ZNF232: variants seen among roughly 807,000 people sequenced by gnomAD.
ZNF232 encodes zinc finger and SCAN domain-containing protein 11.
In ZNF232, 25 loss-of-function variants were observed where a neutral mutation model predicts 25.2. That is an observed-to-expected ratio of 0.99 (90% CI 0.72 to 1.39). The LOEUF is 1.39. Ranked by LOEUF, ZNF232 falls within the 40% of genes most tolerant of loss-of-function variation. The pLI is 0.00. For synonymous variants in ZNF232, 193 were observed against 182.9 expected (o/e 1.06, Z -0.45); for missense variants, 519 against 520.9 (o/e 1.00, Z 0.04).
chr17:5,117,372 C>T (rs554725201), intron 1 of ZNF232, among the ~76,000 whole-genome samples: 112 of 152,114 alleles, frequency 7.4e-4, no homozygotes, highest in Non-Finnish European at 1.3e-3. Flanking sequence ...AAAAATTAGC[C>T]GGGTGTGGAG....
chr17:5,106,360 G>T, exon 4 of ZNF232: 1 of 1,614,204 alleles, frequency 6.2e-7, no homozygotes, highest in Admixed American at 1.7e-5. Flanking sequence ...TTTCTCTGCT[G>T]CAGTTCTAAG....
At chr17:5,110,529 A>G (rs1265880953) in intron 1 of ZNF232, among the ~76,000 whole-genome samples, 1 of 152,238 alleles carries the variant, frequency 6.6e-6, no homozygotes, top group African/African-American at 2.4e-5. Flanking sequence ...CTTTCAGTGC[A>G]AGGTGGAATG....
chr17:5,121,263 C>G (rs1336657121), intron 1 of ZNF232: 2 of 365,614 alleles, frequency 5.5e-6, no homozygotes, highest in Non-Finnish European at 1.1e-5. Context: ...GTGCAGGTGC[C>G]TTTGGGGCCC....
intron 1 of ZNF232, among the ~76,000 whole-genome samples, chr17:5,122,302 A>G (rs1045331124): frequency 2.1e-4 from 32 of 152,100 alleles, no homozygotes; most frequent in South Asian, 2.1e-4. Context: ...ATGGCCCTGG[A>G]TTTCTGGTTC....
intron 1 of ZNF232, 130 bp downstream of exon 1, chr17:5,111,670 C>T (rs1017923842): frequency 5.9e-5 from 87 of 1,472,522 alleles, no homozygotes; most frequent in Non-Finnish European, 7.9e-5. Context: ...ACGGGCAACC[C>T]AAACCCCTCT....
At chr17:5,110,467 T>C (rs1049585693) in intron 1 of ZNF232, among the ~76,000 whole-genome samples, 4 of 151,978 alleles carry the variant, frequency 2.6e-5, no homozygotes, top group African/African-American at 7.3e-5. Flanking sequence ...TTGGAAGAAA[T>C]AAGTTTGAAG....
chr17:5,111,832 G>A (rs1440300797), exon 1 of ZNF232: 3 of 1,613,674 alleles, frequency 1.9e-6, no homozygotes, highest in Non-Finnish European at 2.5e-6. Context: ...TCGGGGCGCT[G>A]CCGCGAATCG....
chr17:5,110,791 T>C lies in ZNF232; in HGVS notation c.24-923A>G, dbSNP rs568743841. 7.9e-5 allele frequency among the ~76,000 whole-genome samples: 12 copies of C among 152,048 alleles called. No homozygotes were observed. The South Asian group carries it at 2.5e-3, about 32-fold the overall frequency. On this transcript the variant is annotated intron_variant, in intron 1 of 3. Coordinates refer to ENST00000575898, the Ensembl canonical transcript of ZNF232. ...CAATTTAGGGGTTATTTTGCTAAGG[T>C]TGAGGATGCACCCAGGAAAAAGACA...
At chr17:5,110,694 T>C (rs539126619) in intron 1 of ZNF232, among the ~76,000 whole-genome samples, 1 of 152,268 alleles carries the variant, frequency 6.6e-6, no homozygotes. Context: ...TGAACAAGTC[T>C]CGGGTACAGT....
chr17:5,105,788 T>G, exon 4 of ZNF232: 5 of 1,508,922 alleles, frequency 3.3e-6, no homozygotes, highest in Non-Finnish European at 4.5e-6. Flanking sequence ...ATTAGACCGA[T>G]GTAGAATTCT....
intron 1 of ZNF232, chr17:5,120,776 T>G (rs2143708026): frequency 4.5e-6 from 2 of 447,020 alleles, no homozygotes; most frequent in South Asian, 1.6e-5. Context: ...CCAAGGGCTG[T>G]TTCTTCAGCA....
Position 5,106,340 on chromosome 17 carries a change from CGCTTTGGGATTTCTCT to C in ZNF232, c.776_791del (p.Gln259ArgfsTer4). 1 of 1,614,222 alleles carries C rather than the reference CGCTTTGGGATTTCTCT, an allele frequency of 6.2e-7. No individual in the cohort carries two copies. The highest frequency in any genetic ancestry group is 1.3e-5 in the African/African-American group (1 of 75,046). On this transcript the variant is annotated frameshift_variant, in exon 4 of 4. Coordinates refer to ENST00000575898, the Ensembl canonical transcript of ZNF232. LOFTEE classifies it low-confidence loss of function (END_TRUNC). The stretch of plus-strand genomic sequence containing the variant: ...GGGCAGGGGACCACCTCAGTCTCTC[CGCTTTGGGATTTCTCT>C]GCTGCAGTTCTAAGGTACCCTCAGA...
At position 5,122,981 on chromosome 17, in the gene ZNF232, A is replaced by G. The variant is rs570071377; in HGVS notation, c.-534T>C. The G allele has an allele frequency of 1.2e-4, 19 of 152,866 alleles. No individual in the cohort carries two copies. The South Asian group carries it at 2.9e-3, about 23-fold the overall frequency. 9.5% of individuals were successfully genotyped at this position (152,866 alleles called of 1,614,324 possible). The stretch of plus-strand genomic sequence containing the variant: ...GTCGGCGAGTTGGAAACTTACTGCA[A>G]TCGTCCTCTCGTAGCCTTGGGCGTC... On this transcript the variant is annotated 5_prime_UTR_variant, in exon 1 of 5. Coordinates refer to the ZNF232 transcript ENST00000250076.
chr17:5,119,793 T>A (rs1302199267), intron 1 of ZNF232, among the ~76,000 whole-genome samples: 1 of 152,220 alleles, frequency 6.6e-6, no homozygotes, highest in East Asian at 1.9e-4. Flanking sequence ...AGCCATCATC[T>A]CAGCTGATAA....
At chr17:5,112,431 T>A (rs2072439147), upstream of ZNF232, 1 of 133,470 alleles carries the variant, frequency 7.5e-6, no homozygotes, top group Non-Finnish European at 1.7e-5. Context: ...GGGTTGGTGT[T>A]TTTTTGTTGT....
chr17:5,111,944 C>T (rs1597931658), upstream of ZNF232: 42 of 1,429,460 alleles, frequency 2.9e-5, no homozygotes, highest in East Asian at 1.0e-3. Context: ...CTTCCGTTCG[C>T]GGACTTTGGC....
chr17:5,108,972 C>G (rs1047073983), exon 3 of ZNF232: 1 of 1,614,174 alleles, frequency 6.2e-7, no homozygotes, highest in Non-Finnish European at 8.5e-7. Flanking sequence ...GCTGGATGCT[C>G]AGTGCTTCCT....
chr17:5,122,756 C>T (rs2072728674), intron 1 of ZNF232, among the ~76,000 whole-genome samples: 1 of 152,236 alleles, frequency 6.6e-6, no homozygotes, highest in African/African-American at 2.4e-5. Flanking sequence ...CGGGTATCCC[C>T]AAACTTCCCA....
upstream of ZNF232, among the ~76,000 whole-genome samples, chr17:5,115,371 G>T (rs1354409811): frequency 6.6e-6 from 1 of 152,148 alleles, no homozygotes; most frequent in African/African-American, 2.4e-5. Context: ...GGCCAACATG[G>T]TGAAACCCTC....
Sources: allele counts gnomAD v4.1 joint callset (sites outside exome capture counted in the v4.1 genomes callset), GRCh38; gene constraint gnomAD v4.1.1; transcripts MANE v1.5; gene names NCBI Gene and HGNC (gene_info 2026-07-23, HGNC 2026-07-21).